The following UNC79 variants were observed in gnomAD, a reference collection of about 807,000 sequenced individuals.
UNC79 encodes the protein unc-79 subunit of NALCN channel complex, also known as protein unc-79 homolog.
A neutral mutation model predicts 283.1 loss-of-function variants in UNC79; 37 were observed. The observed-to-expected ratio is 0.13, with a 90% CI of 0.10 to 0.17. The LOEUF (loss-of-function observed/expected upper bound fraction) is 0.17, where lower values mean the gene tolerates loss of function less well. Among genes scored for constraint, UNC79 ranks in the 10% least tolerant of loss-of-function variants. The pLI, the probability that UNC79 is intolerant of heterozygous loss-of-function variation, is 1.00. For missense variants in UNC79, 2,272 were observed against 3,211.1 expected, an observed-to-expected ratio of 0.71 and a Z score of 7.07; for synonymous variants, 1,107 against 1,200.2, an observed-to-expected ratio of 0.92 and a Z score of 1.61.
intron 1 of UNC79, among the ~76,000 whole-genome samples, chr14:93,414,758 G>A (rs2055415520): frequency 6.6e-6 from 1 of 152,092 alleles, no homozygotes; most frequent in Non-Finnish European, 1.5e-5. Context: ...CTTGTAAGTT[G>A]GATCCCTAGG....
exon 49 of UNC79, chr14:93,706,713 G>T (rs747325927): frequency 6.2e-7 from 1 of 1,614,174 alleles, no homozygotes; most frequent in Admixed American, 1.7e-5. Context: ...GCACTTATCT[G>T]CGGGACTCCA....
rs2063733171 is a variant in UNC79, at chr14:93,580,513, T to C, written c.2661+137T>C. ...CGTGAGACTGTGTTAAAAGAAACTT[T>C]TCCCATTGCTTCTGCCAACTCAGGC... On this transcript the variant is annotated intron_variant, in intron 19 of 48. Coordinates refer to ENST00000555664, the Ensembl canonical transcript of UNC79. 4 of 863,270 alleles carry C rather than the reference T, an allele frequency of 4.6e-6. No homozygotes were observed. The East Asian group carries it at 1.1e-4, about 23-fold the overall frequency. 53.5% of individuals were successfully genotyped at this position (863,270 alleles called of 1,614,324 possible).
At chr14:93,626,602 T>G (rs929966132) in intron 30 of UNC79, among the ~76,000 whole-genome samples, 5 of 152,214 alleles carry the variant, frequency 3.3e-5, no homozygotes, top group African/African-American at 1.2e-4. Context: ...TTGGAAGAGA[T>G]AGAATAGAGT....
At chr14:93,609,795 G>T (rs2066165942) in intron 26 of UNC79, among the ~76,000 whole-genome samples, 1 of 152,122 alleles carries the variant, frequency 6.6e-6, no homozygotes, top group Non-Finnish European at 1.5e-5. Context: ...AAGGTAACTT[G>T]TCTTTATGAA....
intron 45 of UNC79, chr14:93,691,379 A>G (rs184206226): frequency 1.6e-5 from 5 of 316,434 alleles, no homozygotes; most frequent in East Asian, 1.3e-4. Context: ...TGAAGAGACT[A>G]CTATTATCCC....
intron 40 of UNC79, among the ~76,000 whole-genome samples, chr14:93,667,046 A>T (rs946826544): frequency 2.6e-5 from 4 of 151,998 alleles, no homozygotes; most frequent in Admixed American, 1.3e-4. Context: ...TGAGGCTGCC[A>T]CAAGCTATGA....
In UNC79 at chr14:93,659,187, TCA is replaced by T. The variant is rs749306817; in HGVS notation, c.6457-3_6457-2del. 2.5e-6 allele frequency: 4 copies of T among 1,603,100 alleles called. No homozygotes were observed. Among genetic ancestry groups the T allele is most frequent in the Non-Finnish European group, 3.4e-6 (4 of 1,173,980 alleles). On this transcript the variant is annotated splice_polypyrimidine_tract_variant and splice_region_variant and intron_variant, in intron 38 of 48. Transcript: ENST00000555664. The stretch of plus-strand genomic sequence containing the variant: ...AATTTTTACTTTTTTTCATATTTAT[TCA>T]CAGTGTTCTTTAGATTCCAGTTTAA...
chr14:93,354,989 C>T (rs1228880509), intron 1 of UNC79, among the ~76,000 whole-genome samples: 1 of 151,294 alleles, frequency 6.6e-6, no homozygotes. Flanking sequence ...CAGAGATAGA[C>T]ATGGAAGCCA....
intron 30 of UNC79, among the ~76,000 whole-genome samples, chr14:93,624,248 G>A (rs541785008): frequency 1.3e-5 from 2 of 152,274 alleles, no homozygotes; most frequent in African/African-American, 2.4e-5. Flanking sequence ...TCAAAAACGC[G>A]CTGTAAAAAT....
At chr14:93,649,544 C>G (rs1435778850) in intron 35 of UNC79, among the ~76,000 whole-genome samples, 2 of 152,022 alleles carry the variant, frequency 1.3e-5, no homozygotes, top group African/African-American at 4.8e-5. Flanking sequence ...AACTCAAGTT[C>G]AATTTTTGTA....
At position 93,617,235 on chromosome 14, in the gene UNC79, C is replaced by T. The variant is rs200366006; in HGVS notation, c.4155C>T (p.Cys1385=). ...ATTATTTCCAACAGCCGCCTCGTTG[C>T]TCCCTCTGGTCCCTAAAGCCTCACA... Residue 1385 remains cysteine (C), a synonymous_variant, in exon 28 of 49, where the codon TGC becomes TGT. Coordinates refer to ENST00000555664, the Ensembl canonical transcript of UNC79. The surrounding 1 kb of genome is among the most constrained non-coding windows in gnomAD (Gnocchi z 4.5). The T allele has an allele frequency of 6.5e-5, 105 of 1,614,226 alleles. No homozygotes were observed. Among genetic ancestry groups the T allele is most frequent in the Middle Eastern group, 3.3e-4 (2 of 6,060 alleles).
At chr14:93,508,392 A>G (rs1298946288) in intron 7 of UNC79, among the ~76,000 whole-genome samples, 1 of 152,162 alleles carries the variant, frequency 6.6e-6, no homozygotes, top group Non-Finnish European at 1.5e-5. Flanking sequence ...AGCAACAACA[A>G]CAACAACAAA....
At chr14:93,420,068 C>G (rs2055559886) in intron 1 of UNC79, among the ~76,000 whole-genome samples, 2 of 150,832 alleles carry the variant, frequency 1.3e-5, no homozygotes, top group Admixed American at 1.3e-4. Flanking sequence ...CACAAAACAA[C>G]CAGAAAGCAA....
chr14:93,706,837 C>G (rs746234849), exon 49 of UNC79: 12 of 1,614,220 alleles, frequency 7.4e-6, no homozygotes, highest in Non-Finnish European at 1.0e-5. Flanking sequence ...TTGCAGTGCA[C>G]TCAGTTCAAA....
intron 1 of UNC79, among the ~76,000 whole-genome samples, chr14:93,339,170 A>G (rs1346249126): frequency 2.6e-5 from 4 of 152,252 alleles, no homozygotes; most frequent in African/African-American, 4.8e-5. Flanking sequence ...CATCATGCCA[A>G]CAGGGTACAG....
intron 1 of UNC79, among the ~76,000 whole-genome samples, chr14:93,465,120 T>G (rs1566954944): frequency 6.6e-6 from 1 of 152,182 alleles, no homozygotes; most frequent in Non-Finnish European, 1.5e-5. Flanking sequence ...CTTTCTTCCT[T>G]TTTTTTCTCC....
chr14:93,484,139 C>T (rs1021439485), intron 4 of UNC79, among the ~76,000 whole-genome samples: 12 of 152,132 alleles, frequency 7.9e-5, no homozygotes, highest in African/African-American at 2.4e-4. Flanking sequence ...GTTTACAGTC[C>T]CACCAACAGT....
chr14:93,422,606 C>A (rs2055624431), intron 1 of UNC79, among the ~76,000 whole-genome samples: 1 of 151,748 alleles, frequency 6.6e-6, no homozygotes. Flanking sequence ...GTTGGGGGGG[C>A]CTTAGAATTG....
chr14:93,679,270 C>A (rs2073627216), intron 41 of UNC79, among the ~76,000 whole-genome samples: 1 of 152,230 alleles, frequency 6.6e-6, no homozygotes, highest in South Asian at 2.1e-4. Flanking sequence ...ACCATCCTGG[C>A]TAACATGGTG....
Sources: allele counts gnomAD v4.1 joint callset (sites outside exome capture counted in the v4.1 genomes callset), GRCh38; gene constraint gnomAD v4.1.1; non-coding constraint Gnocchi (gnomAD v3.1); transcripts MANE v1.5; gene names NCBI Gene and HGNC (gene_info 2026-07-23, HGNC 2026-07-21).